Variants in TEAD1 observed in about 807,000 individuals in gnomAD.
TEAD1 encodes transcriptional enhancer factor TEF-1.
TEAD1 carries 9 observed loss-of-function variants against 54.9 expected under a neutral mutation model. The ratio of observed to expected loss-of-function variants is 0.16; its 90% CI spans 0.10 to 0.29. The LOEUF (loss-of-function observed/expected upper bound fraction) is 0.29. Ranked by LOEUF, TEAD1 falls within the 10% of genes least tolerant of loss-of-function variation. The pLI, the probability that TEAD1 is intolerant of heterozygous loss-of-function variation, is 1.00. For missense variants in TEAD1, 387 were observed against 535.9 expected, an observed-to-expected ratio of 0.72 and a Z score of 2.74; for synonymous variants, 200 against 187.8, an observed-to-expected ratio of 1.07 and a Z score of -0.53.
intron 5 of TEAD1, 167 bp downstream of exon 5, chr11:12,865,067 T>G (rs1396209417): frequency 2.5e-6 from 2 of 792,036 alleles, no homozygotes; most frequent in African/African-American, 3.4e-5. Context: ...TGTACTAGCC[T>G]CACATTAAAC....
At chr11:12,747,983 A>G (rs1447125976) in intron 2 of TEAD1, among the ~76,000 whole-genome samples, 1 of 147,838 alleles carries the variant, frequency 6.8e-6, no homozygotes. Flanking sequence ...TTTTTTTGAG[A>G]CAGAGTCTTG....
intron 10 of TEAD1, among the ~76,000 whole-genome samples, chr11:12,903,673 G>A (rs552172398): frequency 1.2e-4 from 19 of 152,250 alleles, no homozygotes; most frequent in African/African-American, 3.9e-4. Context: ...TTAGTCAGGC[G>A]TGGTGGTGCA....
chr11:12,787,178 C>T (rs977115714), intron 3 of TEAD1, among the ~76,000 whole-genome samples: 18 of 152,160 alleles, frequency 1.2e-4, no homozygotes, highest in African/African-American at 4.3e-4. Flanking sequence ...CTCACCGTAT[C>T]CTCAGGGGTG....
rs1346001501 is a variant in TEAD1, at chr11:12,940,961, T to G, written c.*3739T>G. On this transcript the variant is annotated 3_prime_UTR_variant, in exon 13 of 13. Transcript: ENST00000527636. ...AAGCACAGTCTACTCTCCTTCGTTT[T>G]GTCGATGAGAAAGTTGAGGCCAGAG... 6.6e-6 allele frequency: 1 copy of G among 152,250 alleles called. No homozygotes were observed. Among genetic ancestry groups the G allele is most frequent in the East Asian group, 1.9e-4 (1 of 5,198 alleles). The allele number at this position is 152,250 out of a possible 1,614,324, so 9.4% of individuals were successfully genotyped here. A position where few individuals can be genotyped will look rare whatever the true frequency, so the allele number is the denominator to read the frequency against.
intron 3 of TEAD1, among the ~76,000 whole-genome samples, chr11:12,771,625 A>G (rs1319690042): frequency 6.6e-6 from 1 of 152,150 alleles, no homozygotes; most frequent in Non-Finnish European, 1.5e-5. Context: ...GTTTTGTCAT[A>G]TGCTTGATGT....
intron 11 of TEAD1, among the ~76,000 whole-genome samples, chr11:12,928,908 G>C (rs1443281349): frequency 6.6e-6 from 1 of 152,170 alleles, no homozygotes; most frequent in Non-Finnish European, 1.5e-5. Flanking sequence ...AGTTTTCGAG[G>C]ATACAGCGCC....
rs1237826707 is a variant in TEAD1, at chr11:12,938,436, A to G, written c.*1214A>G. Reference sequence around the variant, plus strand: ...TATATGTGTAGGTATGTGTATACATATACACAAATGCACATATAGAGTTAA... The same window carrying G: ...TATATGTGTAGGTATGTGTATACATGTACACAAATGCACATATAGAGTTAA... On this transcript the variant is annotated 3_prime_UTR_variant, in exon 13 of 13. Coordinates refer to ENST00000527636, the MANE Select transcript of TEAD1 (RefSeq NM_021961.6). 1 of 152,506 alleles carries G rather than the reference A, an allele frequency of 6.6e-6. No homozygotes were observed. Among genetic ancestry groups the G allele is most frequent in the African/African-American group, 2.4e-5 (1 of 41,460 alleles). 9.4% of individuals were successfully genotyped at this position (152,506 alleles called of 1,614,324 possible). A position where few individuals can be genotyped will look rare whatever the true frequency, so the allele number is the denominator to read the frequency against.
chr11:12,695,511 T>A (rs184088114), intron 2 of TEAD1, among the ~76,000 whole-genome samples: 2 of 152,216 alleles, frequency 1.3e-5, no homozygotes, highest in African/African-American at 4.8e-5. Context: ...GAATTGCTTA[T>A]CGTCTCTAGA....
intron 3 of TEAD1, among the ~76,000 whole-genome samples, chr11:12,768,099 G>A (rs1159281319): frequency 6.6e-6 from 1 of 152,152 alleles, no homozygotes; most frequent in African/African-American, 2.4e-5. Flanking sequence ...AATAGGGCAG[G>A]GACAGGAACT....
intron 9 of TEAD1, among the ~76,000 whole-genome samples, chr11:12,896,681 T>C (rs1234601248): frequency 6.6e-6 from 1 of 152,202 alleles, no homozygotes; most frequent in African/African-American, 2.4e-5. Context: ...TATGTAGAAG[T>C]GGTGTTGACT....
intron 2 of TEAD1, among the ~76,000 whole-genome samples, chr11:12,695,382 G>A (rs1444801661): frequency 6.6e-6 from 1 of 152,138 alleles, no homozygotes; most frequent in Non-Finnish European, 1.5e-5. Context: ...AAACTTGGAG[G>A]AGATTTTTCC....
At chr11:12,857,576 C>CTGTGTGTGTGTG (rs1461148875) in intron 3 of TEAD1, among the ~76,000 whole-genome samples, 4 of 67,928 alleles carry the variant, frequency 5.9e-5, no homozygotes, top group East Asian at 1.5e-3. Context: ...CTCTCTCTGT[C>CTGTGTGTGTGTG]TCTGTGTGTG....
At chr11:12,884,130 C>T (rs1021507972) in intron 9 of TEAD1, among the ~76,000 whole-genome samples, 9 of 152,074 alleles carry the variant, frequency 5.9e-5, no homozygotes, top group Admixed American at 1.3e-4. Context: ...TCCTACCTCC[C>T]CCACCCCCAT....
chr11:12,719,347 G>A (rs1944131051), intron 2 of TEAD1, among the ~76,000 whole-genome samples: 6 of 152,116 alleles, frequency 3.9e-5, no homozygotes, highest in African/African-American at 7.2e-5. Context: ...TAGGGAAAGT[G>A]GCTTCTATAT....
At chr11:12,706,607 C>T (rs1943820702) in intron 2 of TEAD1, among the ~76,000 whole-genome samples, 1 of 152,130 alleles carries the variant, frequency 6.6e-6, no homozygotes. Flanking sequence ...AAGACATTGC[C>T]CTTGATATTT....
intron 3 of TEAD1, among the ~76,000 whole-genome samples, chr11:12,804,850 C>T (rs1467410494): frequency 6.6e-6 from 1 of 152,126 alleles, no homozygotes; most frequent in East Asian, 1.9e-4. Flanking sequence ...GGCAGCACCC[C>T]AGATGATAAA....
chr11:12,872,414 T>G (rs1185506536), intron 5 of TEAD1, among the ~76,000 whole-genome samples: 2 of 152,238 alleles, frequency 1.3e-5, no homozygotes, highest in Admixed American at 6.5e-5. Flanking sequence ...TTCCTGGCAT[T>G]TCCCAATCTT....
At chr11:12,840,318 A>G (rs1947007140) in intron 3 of TEAD1, among the ~76,000 whole-genome samples, 1 of 149,760 alleles carries the variant, frequency 6.7e-6, no homozygotes, top group African/African-American at 2.5e-5. Context: ...TGGAAGGTGG[A>G]TGAGTCTGAG....
At chr11:12,870,317 A>G (rs1947716649) in intron 5 of TEAD1, among the ~76,000 whole-genome samples, 1 of 152,160 alleles carries the variant, frequency 6.6e-6, no homozygotes, top group Admixed American at 6.5e-5. Context: ...CCCTGACTGC[A>G]GAGGAGAGAT....
Sources: gnomAD v4.1 joint callset for allele counts (sites outside exome capture counted in the v4.1 genomes callset) on GRCh38, gnomAD v4.1.1 for gene constraint, MANE v1.5 for transcripts, NCBI Gene and HGNC (gene_info 2026-07-23, HGNC 2026-07-21) for gene names.